Variants in KIFC3 observed in about 807,000 individuals in gnomAD.
KIFC3 encodes the protein kinesin-like protein KIFC3.
A neutral mutation model predicts 101.8 loss-of-function variants in KIFC3; 60 were observed. The observed-to-expected ratio is 0.59, with a 90% CI of 0.48 to 0.73. The LOEUF is 0.73. Among genes scored for constraint, KIFC3 ranks in the 30% least tolerant of loss-of-function variants. The pLI is 0.00. For missense variants in KIFC3, 966 were observed against 1,137.1 expected, an observed-to-expected ratio of 0.85 and a Z score of 2.16; for synonymous variants, 476 against 482.7, an observed-to-expected ratio of 0.99 and a Z score of 0.18.
chr16:57,809,907 G>A (rs1028655117), intron 1 of KIFC3, among the ~76,000 whole-genome samples: 6 of 152,324 alleles, frequency 3.9e-5, no homozygotes, highest in Middle Eastern at 3.4e-3. Flanking sequence ...CCAGAGGGGC[G>A]TATCTGGTTC....
At chr16:57,803,044 C>T, upstream of KIFC3, 1 of 1,535,792 alleles carries the variant, frequency 6.5e-7, no homozygotes, top group Non-Finnish European at 8.7e-7. Context: ...CACACGCTCT[C>T]ACTCGCTCCA....
rs369897966 is a variant in KIFC3, at chr16:57,855,564, GA to G, written c.108+7164del. Among the ~76,000 whole-genome samples, 1,067 of 151,296 alleles carry G rather than the reference GA, an allele frequency of 7.1e-3. 11 individuals are homozygous for G. The highest frequency in any genetic ancestry group is 0.025 in the African/African-American group (1,017 of 41,284). On this transcript the variant is annotated intron_variant, in intron 1 of 2. Coordinates refer to the KIFC3 transcript ENST00000563028. ...AACATCAAATGCTTATCTTAGCAGA[GA>G]AAAAAAAGCTAAGCTTCCAACCTAA...
intron 1 of KIFC3, among the ~76,000 whole-genome samples, chr16:57,823,224 A>G (rs375907387): frequency 2.6e-5 from 4 of 152,184 alleles, no homozygotes; most frequent in East Asian, 1.9e-4. Flanking sequence ...CTTCCTATTG[A>G]TAATAACTCT....
chr16:57,770,458 C>T (rs190873614), intron 7 of KIFC3, 69 bp downstream of exon 7: 5 of 1,300,076 alleles, frequency 3.8e-6, no homozygotes, highest in Admixed American at 7.3e-5. Context: ...AATGTTTAAC[C>T]GATGCATTGG....
intron 4 of KIFC3, 32 bp from the exon 5 acceptor site, chr16:57,771,718 T>C (rs1555608783): frequency 6.3e-7 from 1 of 1,594,934 alleles, no homozygotes; most frequent in Admixed American, 1.7e-5. Flanking sequence ...GGGGCGCATG[T>C]GGCGAGGGCA....
At chr16:57,862,035 A>G (rs1371101769) in intron 1 of KIFC3, among the ~76,000 whole-genome samples, 1 of 152,144 alleles carries the variant, frequency 6.6e-6, no homozygotes, top group Admixed American at 6.5e-5. Flanking sequence ...AGTCATATGT[A>G]TAGATCATCA....
At chr16:57,811,947 G>A (rs2055089681) in intron 1 of KIFC3, among the ~76,000 whole-genome samples, 1 of 148,602 alleles carries the variant, frequency 6.7e-6, no homozygotes, top group Non-Finnish European at 1.5e-5. Flanking sequence ...GAAGATTGAG[G>A]CCAGAGAATC....
upstream of KIFC3, among the ~76,000 whole-genome samples, chr16:57,804,376 G>A (rs1224733615): frequency 2.0e-5 from 3 of 152,148 alleles, no homozygotes; most frequent in African/African-American, 7.2e-5. Context: ...TTTCAGGAAA[G>A]GAAACTGAGC....
intron 3 of KIFC3, among the ~76,000 whole-genome samples, chr16:57,789,708 T>C (rs559405545): frequency 6.6e-6 from 1 of 152,078 alleles, no homozygotes; most frequent in South Asian, 2.1e-4. Context: ...TTATAAACAC[T>C]GACTGTGTTT....
At chr16:57,850,034 T>C (rs173512) in intron 1 of KIFC3, among the ~76,000 whole-genome samples, 111,590 of 152,008 alleles carry the variant, frequency 0.73, 41,824 homozygotes, top group Non-Finnish European at 0.82. Flanking sequence ...TTTGAGGCTG[T>C]AGTGAGCTAT....
At chr16:57,815,545 T>C (rs1346573851) in intron 1 of KIFC3, 1 of 1,288,130 alleles carries the variant, frequency 7.8e-7, no homozygotes, top group African/African-American at 1.5e-5. Flanking sequence ...CAGGATGCCC[T>C]CCAAGACCAA....
intron 2 of KIFC3, 22 bp downstream of exon 2, chr16:57,798,050 C>A: frequency 6.3e-7 from 1 of 1,583,330 alleles, no homozygotes; most frequent in Non-Finnish European, 8.6e-7. Context: ...AATAAAGAGG[C>A]ATTTTAAAAA....
chr16:57,773,275 T>A (rs1453103526), intron 3 of KIFC3, among the ~76,000 whole-genome samples: 1 of 152,148 alleles, frequency 6.6e-6, no homozygotes, highest in Non-Finnish European at 1.5e-5. Flanking sequence ...TACTAAATGA[T>A]AGGCAACAAC....
At chr16:57,861,582 A>G (rs1202354463) in intron 1 of KIFC3, among the ~76,000 whole-genome samples, 1 of 152,172 alleles carries the variant, frequency 6.6e-6, no homozygotes, top group Non-Finnish European at 1.5e-5. Flanking sequence ...CCCAGCGTCC[A>G]CTTTCCCAGG....
At position 57,786,256 on chromosome 16, in the gene KIFC3, C is replaced by T. The variant is rs183388062; in HGVS notation, c.315+8743G>A. Among the ~76,000 whole-genome samples, 192 of 152,250 alleles carry T rather than the reference C, an allele frequency of 1.3e-3. 1 individual carries two copies. Among genetic ancestry groups the T allele is most frequent in the African/African-American group, 4.5e-3 (186 of 41,558 alleles). On this transcript the variant is annotated intron_variant, in intron 3 of 19. Transcript: ENST00000445690. The stretch of plus-strand genomic sequence containing the variant: ...CAGCCGGCACCTAGCAAGGATGAAG[C>T]GCAGGAACCTCCCAGGCAAGAGAGA...
Position 57,771,582 on chromosome 16 carries a change from T to C in KIFC3, c.486A>G (p.Thr162=), listed in dbSNP as rs781903130. The change falls in exon 5 of 20, where the codon ACA becomes ACG. Residue 162 remains threonine, a synonymous_variant. Coordinates refer to ENST00000445690, the MANE Select transcript of KIFC3 (RefSeq NM_001130100.2). ...AACCTGGGCAGGGACCTGCTGGCTT[T>C]GTGCGCAGCTCTTGCAGCTCGGCCT... ...RCEAELQELR[T]KPAGPCPGCE... The C allele has an allele frequency of 8.1e-6, 13 of 1,613,472 alleles. No individual in the cohort carries two copies. Among genetic ancestry groups the C allele is most frequent in the Non-Finnish European group, 1.1e-5 (13 of 1,180,038 alleles).
At chr16:57,839,095 A>G (rs1480182980) in intron 1 of KIFC3, among the ~76,000 whole-genome samples, 16 of 152,152 alleles carry the variant, frequency 1.1e-4, no homozygotes, top group Non-Finnish European at 5.9e-5. Flanking sequence ...GGGGAGGCCG[A>G]AGTGGGAGGA....
rs556685058 is a variant in KIFC3 at position 57,815,798 on chromosome 16, C to T, written c.109-17516G>A. Among the ~76,000 whole-genome samples the T allele has an allele frequency of 7.2e-5, 11 of 152,324 alleles. No individual in the cohort carries two copies. In the South Asian group the frequency reaches 2.3e-3, roughly 32 times the overall value. On this transcript the variant is annotated intron_variant, in intron 1 of 2. Transcript: ENST00000563028. ...GGGATCACCAACTTCTTCTGACTCT[C>T]TACACACACACCCCCAAACACCCCC...
chr16:57,787,590 G>A (rs2053463498), intron 3 of KIFC3, among the ~76,000 whole-genome samples: 1 of 152,224 alleles, frequency 6.6e-6, no homozygotes, highest in South Asian at 2.1e-4. Flanking sequence ...TGGGGAGGCT[G>A]CACTCGGGGC....
Sources: allele counts gnomAD v4.1 joint callset (sites outside exome capture counted in the v4.1 genomes callset), GRCh38; gene constraint gnomAD v4.1.1; transcripts MANE v1.5; gene names NCBI Gene and HGNC (gene_info 2026-07-23, HGNC 2026-07-21).